The following PLIN5 variants were observed in gnomAD, a reference collection of about 807,000 sequenced individuals.
PLIN5 encodes the protein perilipin-5.
In PLIN5, 34 loss-of-function variants were observed where a neutral mutation model predicts 32.8. The observed-to-expected ratio is 1.04, with a 90% CI of 0.79 to 1.38. The LOEUF is 1.38. PLIN5 is among the 40% of genes most tolerant of loss of function. PLIN5 has a pLI of 0.00. For missense variants in PLIN5, 712 were observed against 660.5 expected (o/e 1.08, Z -0.85); for synonymous variants, 309 against 292.9 (o/e 1.05, Z -0.56).
At chr19:4,533,605 G>C (rs913629909) in intron 2 of PLIN5, 2 of 338,216 alleles carry the variant, frequency 5.9e-6, no homozygotes, top group Non-Finnish European at 5.4e-6. Flanking sequence ...TATGAAATGG[G>C]TTACTAGGGT....
intron 4 of PLIN5, chr19:4,529,529 CATATAT>C (rs556808519): frequency 6.5e-6 from 3 of 462,428 alleles, no homozygotes; most frequent in Non-Finnish European, 1.1e-5. Flanking sequence ...TACACATATA[CATATAT>C]ACTTATACGT....
chr19:4,525,025 T>C lies in PLIN5; in HGVS notation c.772A>G (p.Lys258Glu). The C allele has an allele frequency of 6.8e-7, 1 of 1,481,458 alleles. No individual in the cohort carries two copies. Among genetic ancestry groups the C allele is most frequent in the Non-Finnish European group, 9.0e-7 (1 of 1,116,062 alleles). 91.8% of individuals were successfully genotyped at this position (1,481,458 alleles called of 1,614,324 possible). ...VTPTAPACPGKVHELWGEWGQ... is the reference protein window; with the variant it reads ...VTPTAPACPGEVHELWGEWGQ... The stretch of plus-strand genomic sequence containing the variant: ...CATTCCCCCCACAGCTCGTGCACCT[T>C]CCCAGGGCAGGCCGGGGCGGTGGGG... The change falls in exon 7 of 8, where the codon AAG (lysine) becomes GAG (glutamate). Residue 258 changes from lysine to glutamate, a missense_variant. Physicochemically the swap from Lys to Glu is moderately conservative, Grantham distance 56 (BLOSUM62 1). Transcript: ENST00000381848. The surrounding 1 kb of genome is among the most constrained non-coding windows in gnomAD (Gnocchi z 5.6).
At position 4,523,681 on chromosome 19, in the gene PLIN5, C is replaced by T. The variant is rs201662850; in HGVS notation, c.1239G>A (p.Pro413=). 450 of 1,607,942 alleles carry T rather than the reference C, an allele frequency of 2.8e-4. 1 individual carries two copies. The African/African-American group carries it at 2.9e-3, about 10-fold the overall frequency. Residue 413 remains proline (P), a synonymous_variant, in exon 8 of 8, where the codon CCG becomes CCA. Transcript: ENST00000381848. This position sits in a 1 kb window ranked among gnomAD's most constrained non-coding sequence, Gnocchi z 5.0. ...PDPRWAHLDW[P]AQQRAWEAEH... is the part of the protein sequence containing the mutation. The stretch of plus-strand genomic sequence containing the variant: ...CTGCCTCCCAGGCTCTCTGCTGGGC[C>T]GGCCAGTCCAGGTGCGCCCAGCGGG...
chr19:4,534,179 A>C, intron 1 of PLIN5, 84 bp from the exon 2 acceptor site: 1 of 1,195,526 alleles, frequency 8.4e-7, no homozygotes, highest in Non-Finnish European at 1.2e-6. Flanking sequence ...AGCAACTCTC[A>C]AACCTCTTGG....
chr19:4,524,355 T>C (rs959811925), intron 7 of PLIN5, among the ~76,000 whole-genome samples: 13 of 152,142 alleles, frequency 8.5e-5, no homozygotes, highest in African/African-American at 2.9e-4. Context: ...AGTTCAAGAC[T>C]AGCCTGGCCA....
chr19:4,530,502 G>T lies in PLIN5; in HGVS notation c.257-636C>A, dbSNP rs542207403. Among the ~76,000 whole-genome samples, 3 of 152,204 alleles carry T rather than the reference G, an allele frequency of 2.0e-5. No individual in the cohort carries two copies. The South Asian group carries it at 6.2e-4, about 32-fold the overall frequency. On this transcript the variant is annotated intron_variant, in intron 3 of 7. Coordinates refer to ENST00000381848, the MANE Select transcript of PLIN5 (RefSeq NM_001013706.3). ...ATGTGAGAACTACAGAGCGGAGGCT[G>T]CGGGGCTTAGGACAGGCAGAGGCAG...
At position 4,531,653 on chromosome 19, in the gene PLIN5, G is replaced by A. The variant is rs765549033; in HGVS notation, c.230C>T (p.Pro77Leu). ...LTTRALDHAQ[P>L]LLEHLQPQLA... ...CTGGGGCTGCAGGTGCTCGAGCAGCGGCTGGGCGTGGTCCAGGGCACGGGT... is the reference window on the plus strand; with the variant it reads ...CTGGGGCTGCAGGTGCTCGAGCAGCAGCTGGGCGTGGTCCAGGGCACGGGT... Residue 77 changes from proline to leucine, a missense_variant, in exon 3 of 8, where the codon CCG becomes CTG. Physicochemically the swap from Pro to Leu is moderately conservative, Grantham distance 98. Transcript: ENST00000381848. 3.1e-5 allele frequency: 48 copies of A among 1,532,734 alleles called. No individual in the cohort carries two copies. The highest frequency in any genetic ancestry group is 3.7e-5 in the Non-Finnish European group (42 of 1,142,484). 94.9% of individuals were successfully genotyped at this position (1,532,734 alleles called of 1,614,324 possible). A position where few individuals can be genotyped will look rare whatever the true frequency, so the allele number is the denominator to read the frequency against.
chr19:4,527,566 A>AC (rs1976822232), intron 5 of PLIN5, among the ~76,000 whole-genome samples: 1 of 143,486 alleles, frequency 7.0e-6, no homozygotes, highest in Admixed American at 7.0e-5. Flanking sequence ...AAAAAAAAAA[A>AC]CAACAATGGT....
rs185007270 is a variant in PLIN5 at position 4,531,563 on chromosome 19, G to A, written c.256+64C>T. 1.3e-3 allele frequency: 1,879 copies of A among 1,429,406 alleles called. 27 individuals carry two copies. The African/African-American group carries it at 0.024, about 18-fold the overall frequency. 88.5% of individuals were successfully genotyped at this position (1,429,406 alleles called of 1,614,324 possible). A position where few individuals can be genotyped will look rare whatever the true frequency, so the allele number is the denominator to read the frequency against. ...GTCATGCAGATAGACCAAGGAGGAT[G>A]GGACAGGGGGCGGTGGGGGGGTGGC... On this transcript the variant is annotated intron_variant, in intron 3 of 7. Coordinates refer to ENST00000381848, the MANE Select transcript of PLIN5 (RefSeq NM_001013706.3).
intron 5 of PLIN5, among the ~76,000 whole-genome samples, chr19:4,526,881 AT>A: frequency 6.6e-6 from 1 of 151,962 alleles, no homozygotes; most frequent in East Asian, 1.9e-4. Flanking sequence ...AATTAAAAAA[AT>A]GAATGAAAAA....
Position 4,525,580 on chromosome 19 carries a change from A to G in PLIN5, c.720+53T>C, listed in dbSNP as rs1599761308. On this transcript the variant is annotated intron_variant, in intron 6 of 7. Transcript: ENST00000381848. The surrounding 1 kb of genome is among the most constrained non-coding windows in gnomAD (Gnocchi z 5.6). Reference sequence around the variant, plus strand: ...GGATCCGGTATTCAGCTGGTGCTCAATCCATACTGATTGGCCTGCATCCCG... The same window carrying G: ...GGATCCGGTATTCAGCTGGTGCTCAGTCCATACTGATTGGCCTGCATCCCG... 5 of 1,596,164 alleles carry G rather than the reference A, an allele frequency of 3.1e-6. No individual in the cohort carries two copies. Among genetic ancestry groups the G allele is most frequent in the Non-Finnish European group, 3.4e-6 (4 of 1,172,530 alleles).
Position 4,531,697 on chromosome 19 carries a change from G to T in PLIN5, c.186C>A (p.Asn62Lys). ...CACGGGTGGTCAGGCCGCACACGCA[G>T]TTCTCAGCCAGGCGGCAGGCGGAGC... ...LLGSACRLAE[N>K]CVCGLTTRAL... The change falls in exon 3 of 8, where the codon AAC becomes AAA. Residue 62 changes from asparagine (N) to lysine (K), a missense_variant. Physicochemically the swap from Asn to Lys is moderately conservative, Grantham distance 94. Coordinates refer to ENST00000381848, the MANE Select transcript of PLIN5 (RefSeq NM_001013706.3). 1.3e-6 allele frequency: 2 copies of T among 1,568,272 alleles called. No homozygotes were observed. The highest frequency in any genetic ancestry group is 8.6e-7 in the Non-Finnish European group (1 of 1,160,952).
chr19:4,529,373 G>A (rs1976849592), intron 4 of PLIN5, 120 bp from the exon 5 acceptor site: 2 of 1,129,624 alleles, frequency 1.8e-6, no homozygotes, highest in African/African-American at 3.1e-5. Context: ...CCGTGCCTCA[G>A]TTTCCCCTAT....
intron 5 of PLIN5, chr19:4,528,769 A>C: frequency 3.7e-6 from 1 of 273,242 alleles, no homozygotes; most frequent in Non-Finnish European, 6.8e-6. Context: ...TCTGGTTGTT[A>C]AATGCATGCA....
rs1225349386 is a variant in PLIN5, at chr19:4,525,678, G to A, written c.675C>T (p.His225=). Residue 225 remains histidine, a synonymous_variant, in exon 6 of 8, where the codon CAC becomes CAT. Coordinates refer to ENST00000381848, the MANE Select transcript of PLIN5 (RefSeq NM_001013706.3). This position sits in a 1 kb window ranked among gnomAD's most constrained non-coding sequence, Gnocchi z 5.6. ...HSVGKLRQSK[H]RAQDTLAQLQ... ...GCTGGGCCAGGGTGTCCTGGGCACG[G>A]TGTTTGCTCTGCCTCAGTTTCCCCA... The A allele has an allele frequency of 2.5e-6, 4 of 1,613,748 alleles. No individual in the cohort carries two copies. The highest frequency in any genetic ancestry group is 3.4e-6 in the Non-Finnish European group (4 of 1,180,038).
chr19:4,533,604 G>C (rs1000998708), intron 2 of PLIN5: 4 of 334,774 alleles, frequency 1.2e-5, no homozygotes, highest in Non-Finnish European at 2.2e-5. Context: ...CTATGAAATG[G>C]GTTACTAGGG....
chr19:4,524,199 A>C, intron 7 of PLIN5, 114 bp from the exon 8 acceptor site: 98 of 1,058,440 alleles, frequency 9.3e-5, no homozygotes, highest in Non-Finnish European at 1.2e-4. Context: ...CATAGACCTC[A>C]TAGTCCTGTC....
chr19:4,529,733 T>A, intron 4 of PLIN5, 51 bp downstream of exon 4: 24 of 1,102,210 alleles, frequency 2.2e-5, no homozygotes, highest in Non-Finnish European at 2.7e-5. Context: ...CTCCCGCCTC[T>A]AATCTGGCCT....
rs1036323387 is a variant in PLIN5 at position 4,530,787 on chromosome 19, C to G, written c.256+840G>C. Among the ~76,000 whole-genome samples, 4 of 151,608 alleles carry G rather than the reference C, an allele frequency of 2.6e-5. No individual in the cohort carries two copies. In the East Asian group the frequency reaches 7.8e-4, roughly 30 times the overall value. On this transcript the variant is annotated intron_variant, in intron 3 of 7. Coordinates refer to ENST00000381848, the MANE Select transcript of PLIN5 (RefSeq NM_001013706.3). ...TCCCAGGTTCAAGCGATTCTCCTGCCTCAGCCTCCCATGCAGCTGGGATTA... is the reference window on the plus strand; with the variant it reads ...TCCCAGGTTCAAGCGATTCTCCTGCGTCAGCCTCCCATGCAGCTGGGATTA...
Sources: allele counts gnomAD v4.1 joint callset (sites outside exome capture counted in the v4.1 genomes callset), GRCh38; gene constraint gnomAD v4.1.1; non-coding constraint Gnocchi (gnomAD v3.1); transcripts MANE v1.5; gene names NCBI Gene and HGNC (gene_info 2026-07-23, HGNC 2026-07-21).